The following ASIC5 variants were observed in gnomAD, a reference collection of about 807,000 sequenced individuals.
ASIC5 encodes the protein acid sensing ion channel subunit family member 5.
ASIC5 carries 52 observed loss-of-function variants against 51.2 expected under a neutral mutation model. That is an observed-to-expected ratio of 1.02 (90% CI 0.81 to 1.28). The LOEUF is 1.28. Ranked by LOEUF, ASIC5 falls within the 50% of genes most tolerant of loss-of-function variation. ASIC5 has a pLI of 0.00. For synonymous variants in ASIC5, 231 were observed against 200.7 expected, an observed-to-expected ratio of 1.15 and a Z score of -1.28; for missense variants, 635 against 595.0, an observed-to-expected ratio of 1.07 and a Z score of -0.70.
intron 7 of ASIC5, 143 bp from the exon 8 acceptor site, chr4:155,837,000 T>A (rs1740997785): frequency 9.0e-6 from 5 of 558,622 alleles, no homozygotes; most frequent in Non-Finnish European, 1.5e-5. Context: ...CTGAAACAAA[T>A]ATGTTACTCT....
chr4:155,845,529 T>C (rs1741220706), intron 4 of ASIC5, among the ~76,000 whole-genome samples: 1 of 151,394 alleles, frequency 6.6e-6, no homozygotes, highest in African/African-American at 2.4e-5. Context: ...CTCAGAAATA[T>C]CTTTGTTAAA....
At chr4:155,847,492 A>G (rs577756797) in intron 4 of ASIC5, among the ~76,000 whole-genome samples, 2 of 152,024 alleles carry the variant, frequency 1.3e-5, no homozygotes, top group Non-Finnish European at 2.9e-5. Context: ...GAGGCTGAGC[A>G]GGTGGATCAC....
rs1579279749 is a variant in ASIC5 at position 155,829,873 on chromosome 4, T to C, written c.1501A>G (p.Arg501Gly). The C allele has an allele frequency of 3.8e-6, 6 of 1,593,114 alleles. No individual in the cohort carries two copies. The African/African-American group carries it at 4.1e-5, about 11-fold the overall frequency. Residue 501 changes from arginine (R) to glycine (G), a missense_variant, in exon 10 of 10, where the codon AGG (arginine) becomes GGG (glycine). Arg to Gly is a moderately radical substitution (Grantham distance 125). Transcript: ENST00000537611. The part of the protein sequence containing the change: ...PPQNHLGNKN[R>G]IEEC ...AGTGACCATTAACACTCCTCTATCC[T>C]ATTTTTATTTCCCAGATGATTCTGA...
chr4:155,855,540 C>T (rs1274159140), intron 2 of ASIC5, among the ~76,000 whole-genome samples: 1 of 151,842 alleles, frequency 6.6e-6, no homozygotes. Context: ...TGAAACTGAA[C>T]AAATGTTCTC....
At chr4:155,838,894 T>C (rs368373614) in intron 6 of ASIC5, 25 bp from the exon 7 acceptor site, 5 of 1,323,490 alleles carry the variant, frequency 3.8e-6, no homozygotes, top group East Asian at 2.4e-5. Flanking sequence ...GTGTAACATA[T>C]AGAGACTTTA....
chr4:155,837,111 T>C (rs1374377962), intron 7 of ASIC5, among the ~76,000 whole-genome samples: 1 of 151,950 alleles, frequency 6.6e-6, no homozygotes, highest in South Asian at 2.1e-4. Context: ...GAAATTATTT[T>C]CAGGAAGTAT....
intron 8 of ASIC5, among the ~76,000 whole-genome samples, chr4:155,832,363 T>C (rs1040174075): frequency 1.3e-5 from 2 of 152,166 alleles, no homozygotes; most frequent in African/African-American, 4.8e-5. Flanking sequence ...AAATTATGTA[T>C]ATGCAAAATG....
At chr4:155,833,336 G>A (rs535856304) in intron 8 of ASIC5, among the ~76,000 whole-genome samples, 5 of 152,132 alleles carry the variant, frequency 3.3e-5, no homozygotes, top group East Asian at 1.9e-4. Flanking sequence ...ACTATTAGCC[G>A]AGTTTCCTAG....
chr4:155,844,662 C>T (rs968118273), intron 4 of ASIC5, among the ~76,000 whole-genome samples: 1 of 151,796 alleles, frequency 6.6e-6, no homozygotes, highest in Non-Finnish European at 1.5e-5. Flanking sequence ...ATTTGACCAA[C>T]TCAGAACCCT....
At chr4:155,863,172 C>A (rs1479991135) in intron 2 of ASIC5, among the ~76,000 whole-genome samples, 2 of 152,042 alleles carry the variant, frequency 1.3e-5, no homozygotes, top group African/African-American at 4.8e-5. Flanking sequence ...GTGAAACCCC[C>A]ATCTCTTTTA....
chr4:155,829,876 T>G lies in ASIC5; in HGVS notation c.1498A>C (p.Asn500His), dbSNP rs1740835163. ...PPPQNHLGNK[N>H]RIEEC ...GACCATTAACACTCCTCTATCCTATTTTTATTTCCCAGATGATTCTGAGGT... is the reference window on the plus strand; with the variant it reads ...GACCATTAACACTCCTCTATCCTATGTTTATTTCCCAGATGATTCTGAGGT... Residue 500 changes from asparagine (N) to histidine (H), a missense_variant, in exon 10 of 10, where the codon AAT becomes CAT. Transcript: ENST00000537611. The G allele has an allele frequency of 1.3e-5, 20 of 1,593,924 alleles. No individual in the cohort carries two copies. Among genetic ancestry groups the G allele is most frequent in the Non-Finnish European group, 1.7e-5 (20 of 1,172,842 alleles).
rs567593932 is a variant in ASIC5, at chr4:155,851,196, C to T, written c.711+995G>A. On this transcript the variant is annotated intron_variant, in intron 4 of 9. Coordinates refer to ENST00000537611, the MANE Select transcript of ASIC5 (RefSeq NM_017419.3). ...TTGTAAAAATTGATAATATAATGTT[C>T]GAACTGACCATAGGGCTAATATTTG... Among the ~76,000 whole-genome samples, 27 of 151,944 alleles carry T rather than the reference C, an allele frequency of 1.8e-4. No individual in the cohort carries two copies. In the South Asian group the frequency reaches 3.1e-3, roughly 17 times the overall value.
intron 6 of ASIC5, among the ~76,000 whole-genome samples, chr4:155,839,411 G>A (rs927088528): frequency 1.3e-5 from 2 of 151,650 alleles, no homozygotes; most frequent in African/African-American, 4.9e-5. Flanking sequence ...CATTCCAGAA[G>A]TAGGATGGGG....
chr4:155,843,885 A>G (rs1741179025), intron 4 of ASIC5, 55 bp from the exon 5 acceptor site: 2 of 1,564,256 alleles, frequency 1.3e-6, no homozygotes, highest in Admixed American at 1.7e-5. Context: ...TCAGTTCTAA[A>G]CAAGTTTAGG....
intron 8 of ASIC5, among the ~76,000 whole-genome samples, chr4:155,833,208 G>A (rs1174925846): frequency 6.6e-6 from 1 of 152,102 alleles, no homozygotes; most frequent in Non-Finnish European, 1.5e-5. Context: ...AATTAAAGAT[G>A]AAACCACCAA....
chr4:155,843,722 G>T lies in ASIC5; in HGVS notation c.820C>A (p.Pro274Thr), dbSNP rs1438650868. Residue 274 changes from proline to threonine, a missense_variant, in exon 5 of 10, where the codon CCT becomes ACT. Pro to Thr is a conservative substitution (Grantham distance 38). Transcript: ENST00000537611. ...PQFDGLGLLS[P>T]VGMHARVTIR... is the part of the protein sequence containing the mutation. ...GTTACCCTTGCGTGCATTCCCACAG[G>T]TGACAACAAGCCTAACCCATCAAAC... The T allele has an allele frequency of 6.2e-7, 1 of 1,613,564 alleles. No homozygotes were observed. The highest frequency in any genetic ancestry group is 8.5e-7 in the Non-Finnish European group (1 of 1,179,672).
chr4:155,853,570 TAGTTATTATATATAATATATAATATATAC>T, intron 3 of ASIC5, among the ~76,000 whole-genome samples: 1 of 2,350 alleles, frequency 4.3e-4, no homozygotes. Flanking sequence ...TAATATATAC[TAGTTATTATATATAATATATAATATATAC>T]TAGTTATTAT....
In ASIC5 at chr4:155,854,326, A is replaced by G. The variant is rs1236735076; in HGVS notation, c.348-12T>C. 4 of 1,487,952 alleles carry G rather than the reference A, an allele frequency of 2.7e-6. No homozygotes were observed. Among genetic ancestry groups the G allele is most frequent in the Non-Finnish European group, 3.7e-6 (4 of 1,068,090 alleles). 92.2% of individuals were successfully genotyped at this position (1,487,952 alleles called of 1,614,324 possible). A position where few individuals can be genotyped will look rare whatever the true frequency, so the allele number is the denominator to read the frequency against. On this transcript the variant is annotated splice_polypyrimidine_tract_variant and intron_variant, in intron 2 of 9. Coordinates refer to ENST00000537611, the MANE Select transcript of ASIC5 (RefSeq NM_017419.3). ...CATCTGTTTGGAACCTATTAGCAGG[A>G]ATGAAGGCAATAGTTAGAATAATGA...
chr4:155,834,926 T>C (rs1247938105), intron 8 of ASIC5, among the ~76,000 whole-genome samples: 1 of 152,056 alleles, frequency 6.6e-6, no homozygotes, highest in East Asian at 1.9e-4. Flanking sequence ...GAGAAGAATC[T>C]AGTCACAGGC....
Sources: allele counts gnomAD v4.1 joint callset (sites outside exome capture counted in the v4.1 genomes callset), GRCh38; gene constraint gnomAD v4.1.1; transcripts MANE v1.5; gene names NCBI Gene and HGNC (gene_info 2026-07-23, HGNC 2026-07-21).